Variants in TAF1 observed in about 807,000 individuals in gnomAD.
The protein encoded by TAF1 is TATA-box binding protein associated factor 1, also known as transcription initiation factor TFIID subunit 1.
In TAF1, 2 loss-of-function variants were observed where a neutral mutation model predicts 138.5. That is an observed-to-expected ratio of 0.01 (90% CI 0.01 to 0.05). The LOEUF is 0.05. Ranked by LOEUF, TAF1 falls within the 10% of genes least tolerant of loss-of-function variation. The probability of loss-of-function intolerance (pLI) is 1.00; values close to 1 mark genes in which losing one functional copy is unlikely to be tolerated. For missense variants in TAF1, 709 were observed against 1,478.0 expected (o/e 0.48, Z 8.53); for synonymous variants, 437 against 503.2 (o/e 0.87, Z 1.76).
At chrX:71,437,858 C>T (rs186341223) in intron 32 of TAF1, among the ~76,000 whole-genome samples, 138 of 87,082 alleles carry the variant, frequency 1.6e-3, no homozygotes, top group Middle Eastern at 0.016. Flanking sequence ...TTTTTTGAGA[C>T]GGAGTCTCAT....
chrX:71,368,076 T>C lies in TAF1; in HGVS notation c.258T>C (p.Asp86=). The C allele has an allele frequency of 8.3e-7, 1 of 1,211,886 alleles. No individual in the cohort carries two copies. Among genetic ancestry groups the C allele is most frequent in the Non-Finnish European group, 1.1e-6 (1 of 895,488 alleles). Residue 86 remains aspartate (D), a synonymous_variant, in exon 3 of 38, where the codon GAT becomes GAC. Transcript: ENST00000423759. ...NDEGWVRSTE[D]AVDYSDINEV... ...TAGGGTGGGTTAGGAGTACAGAAGA[T>C]GCTGTGGACTATTCAGACATCAATG...
chrX:71,380,796 T>G (rs753982057), intron 8 of TAF1, among the ~76,000 whole-genome samples: 77 of 111,858 alleles, frequency 6.9e-4, no homozygotes, highest in African/African-American at 2.5e-3. Context: ...GTTGAAGTGA[T>G]TCTTGTGCTT....
intron 13 of TAF1, among the ~76,000 whole-genome samples, chrX:71,496,295 G>T (rs977756994): frequency 1.8e-5 from 2 of 112,256 alleles, no homozygotes; most frequent in African/African-American, 6.5e-5. Context: ...TTGATAGGAA[G>T]GCTACGGGTT....
At chrX:71,455,388 G>A (rs1304390425) in intron 34 of TAF1, among the ~76,000 whole-genome samples, 1 of 111,796 alleles carries the variant, frequency 8.9e-6, no homozygotes, top group Non-Finnish European at 1.9e-5. Context: ...TGAGAGAGCA[G>A]GATAAATAAG....
chrX:71,506,529 A>G (rs2039630689), intron 13 of TAF1, among the ~76,000 whole-genome samples: 1 of 107,907 alleles, frequency 9.3e-6, no homozygotes, highest in Non-Finnish European at 1.9e-5. Context: ...CTATAAATAT[A>G]TATTTTTTTA....
chrX:71,402,789 CTTT>C (rs1024866998), intron 25 of TAF1, among the ~76,000 whole-genome samples: 2 of 110,934 alleles, frequency 1.8e-5, no homozygotes, highest in Non-Finnish European at 3.8e-5. Flanking sequence ...ATACCTAAAA[CTTT>C]TTTTTCCTAA....
intron 25 of TAF1, among the ~76,000 whole-genome samples, chrX:71,405,148 G>T (rs1228016892): frequency 9.2e-6 from 1 of 108,603 alleles, no homozygotes; most frequent in African/African-American, 3.3e-5. Context: ...TAATAGAGAC[G>T]GGGCTTCACC....
Position 71,392,552 on chromosome X carries a change from CTT to C in TAF1, c.2782-13_2782-12del. 1.7e-6 allele frequency: 2 copies of C among 1,143,233 alleles called. No individual in the cohort carries two copies. The highest frequency in any genetic ancestry group is 2.3e-6 in the Non-Finnish European group (2 of 864,668). 94.2% of individuals were successfully genotyped at this position (1,143,233 alleles called of 1,213,427 possible). A position where few individuals can be genotyped will look rare whatever the true frequency, so the allele number is the denominator to read the frequency against. On this transcript the variant is annotated splice_polypyrimidine_tract_variant and intron_variant, in intron 18 of 37. Coordinates refer to ENST00000423759, the MANE Select transcript of TAF1 (RefSeq NM_004606.5). ...AAATGTTTCCCACTGCCCTGAGAAT[CTT>C]TTTCTTTATCTCAGGTTCGCACTGC...
chrX:71,483,780 C>A (rs4844149), intron 13 of TAF1, among the ~76,000 whole-genome samples: 15,861 of 36,982 alleles, frequency 0.43, 4,092 homozygotes, highest in Non-Finnish European at 0.46. Flanking sequence ...CTCTCTCTCT[C>A]TATATATATA....
At position 71,393,501 on chromosome X, in the gene TAF1, A is replaced by G. The variant is rs201567721; in HGVS notation, c.3227+25A>G. 1.1e-4 allele frequency: 131 copies of G among 1,161,694 alleles called. No homozygotes were observed. In the African/African-American group the frequency reaches 1.5e-3, roughly 14 times the overall value. On this transcript the variant is annotated intron_variant, in intron 21 of 37. Coordinates refer to ENST00000423759, the MANE Select transcript of TAF1 (RefSeq NM_004606.5). Reference sequence around the variant, plus strand: ...AGTGGGTCGTTTTAGTGCTGCAGAAAATCCAAGCTGGAAAGGGGGAGGAGT... The same window carrying G: ...AGTGGGTCGTTTTAGTGCTGCAGAAGATCCAAGCTGGAAAGGGGGAGGAGT...
At position 71,400,294 on chromosome X, in the gene TAF1, T is replaced by C. The variant is rs139210303; in HGVS notation, c.3787-1234T>C. Among the ~76,000 whole-genome samples the C allele has an allele frequency of 7.0e-3, 774 of 110,692 alleles. 10 individuals carry two copies. Among genetic ancestry groups the C allele is most frequent in the African/African-American group, 0.024 (734 of 30,451 alleles). On this transcript the variant is annotated intron_variant, in intron 24 of 37. Coordinates refer to ENST00000423759, the MANE Select transcript of TAF1 (RefSeq NM_004606.5). The stretch of plus-strand genomic sequence containing the variant: ...TTAGTAAAGACAGGGTTTTACTATG[T>C]TGGCCAGGCTAATCTCAAACTCCTG...
intron 32 of TAF1, among the ~76,000 whole-genome samples, chrX:71,436,038 CT>C (rs780566468): frequency 1.8e-3 from 144 of 78,414 alleles, no homozygotes; most frequent in East Asian, 4.0e-3. Flanking sequence ...ATGCTACCTC[CT>C]TTTTTTTTTT....
chrX:71,409,620 A>T (rs1208747481), intron 28 of TAF1, among the ~76,000 whole-genome samples: 1 of 111,301 alleles, frequency 9.0e-6, no homozygotes, highest in East Asian at 2.8e-4. Flanking sequence ...TTAACTTCTC[A>T]TACCCTCCTC....
In TAF1 at chrX:71,394,234, G is replaced by A. The variant is rs759643494; in HGVS notation, c.3395G>A (p.Arg1132Gln). 27 of 1,205,301 alleles carry A rather than the reference G, an allele frequency of 2.2e-5. No individual in the cohort carries two copies. Among genetic ancestry groups the A allele is most frequent in the Non-Finnish European group, 2.9e-5 (26 of 892,689 alleles). ...REEQERKELQ[R>Q]MLLAAGSAAS... ...GAACAGGAGCGGAAGGAACTACAGC[G>A]AATGCTACTGGGTGAGGATCTTGGC... The change falls in exon 22 of 38, where the codon CGA becomes CAA. Residue 1132 changes from arginine to glutamine, a missense_variant. Transcript: ENST00000423759.
chrX:71,451,532 G>A (rs1267384554), intron 32 of TAF1, among the ~76,000 whole-genome samples: 1 of 106,988 alleles, frequency 9.3e-6, no homozygotes, highest in Non-Finnish European at 1.9e-5. Flanking sequence ...TCGTAGAGGG[G>A]GATTTGGCAG....
intron 3 of TAF1, among the ~76,000 whole-genome samples, chrX:71,370,517 T>G (rs1330568788): frequency 1.8e-5 from 2 of 111,481 alleles, no homozygotes; most frequent in Admixed American, 9.6e-5. Flanking sequence ...CGGCTAATTT[T>G]TTTTGTATTT....
At chrX:71,443,769 C>T (rs921612847) in intron 32 of TAF1, among the ~76,000 whole-genome samples, 13 of 111,560 alleles carry the variant, frequency 1.2e-4, no homozygotes, top group African/African-American at 4.2e-4. Flanking sequence ...CCAGGCTGAG[C>T]GCGATCTCAG....
At chrX:71,491,281 GT>G (rs2147537599) in intron 13 of TAF1, 1 of 110,041 alleles carries the variant, frequency 9.1e-6, no homozygotes, top group Non-Finnish European at 1.9e-5. Flanking sequence ...AGAAGGGAAA[GT>G]TCAGTGAAGA....
intron 28 of TAF1, among the ~76,000 whole-genome samples, chrX:71,412,122 GT>G (rs749385611): frequency 0.041 from 3,610 of 89,054 alleles, 56 homozygotes; most frequent in Middle Eastern, 0.061. Flanking sequence ...TTCATTCCTG[GT>G]TTTTTTTTTT....
Sources: allele counts gnomAD v4.1 joint callset (sites outside exome capture counted in the v4.1 genomes callset), GRCh38; gene constraint gnomAD v4.1.1; transcripts MANE v1.5; gene names NCBI Gene and HGNC (gene_info 2026-07-23, HGNC 2026-07-21).